Variants in SEMA3D observed in about 807,000 individuals in gnomAD.
SEMA3D encodes the protein semaphorin-3D.
A neutral mutation model predicts 100.1 loss-of-function variants in SEMA3D; 84 were observed. The ratio of observed to expected loss-of-function variants is 0.84; its 90% CI spans 0.70 to 1.01. The LOEUF (loss-of-function observed/expected upper bound fraction) is 1.01, where lower values mean the gene tolerates loss of function less well. Among genes scored for constraint, SEMA3D ranks in the 50% least tolerant of loss-of-function variants. The probability of loss-of-function intolerance (pLI) is 0.00; values close to 1 mark genes in which losing one functional copy is unlikely to be tolerated. For synonymous variants in SEMA3D, 312 were observed against 320.7 expected (o/e 0.97, Z 0.29); for missense variants, 875 against 934.1 (o/e 0.94, Z 0.82).
intron 4 of SEMA3D, among the ~76,000 whole-genome samples, chr7:85,092,585 G>T (rs982610607): frequency 6.6e-6 from 1 of 151,916 alleles, no homozygotes; most frequent in Non-Finnish European, 1.5e-5. Flanking sequence ...TATATTAAAT[G>T]ATGCTTAAGT....
At chr7:85,139,771 A>T (rs1789988063) in intron 2 of SEMA3D, among the ~76,000 whole-genome samples, 1 of 152,072 alleles carries the variant, frequency 6.6e-6, no homozygotes, top group Non-Finnish European at 1.5e-5. Flanking sequence ...AAAAATAACC[A>T]TTTTAAAACT....
chr7:85,219,771 A>G, the SEMA3D span, among the ~76,000 whole-genome samples: 1 of 152,082 alleles, frequency 6.6e-6, no homozygotes, highest in African/African-American at 2.4e-5. Flanking sequence ...AAAATTATAC[A>G]CGCAAAGTAT....
chr7:85,167,741 T>C (rs541030308), intron 1 of SEMA3D, among the ~76,000 whole-genome samples: 2 of 151,858 alleles, frequency 1.3e-5, no homozygotes, highest in South Asian at 2.1e-4. Flanking sequence ...CTGAAAGATA[T>C]AATGCAATAA....
intron 3 of SEMA3D, among the ~76,000 whole-genome samples, chr7:85,102,282 C>G (rs1451860402): frequency 1.3e-5 from 2 of 151,918 alleles, no homozygotes; most frequent in Non-Finnish European, 2.9e-5. Flanking sequence ...TGTACAGGAA[C>G]ACATGTTACT....
chr7:85,067,308 G>A (rs1791656089), intron 7 of SEMA3D, among the ~76,000 whole-genome samples: 1 of 151,876 alleles, frequency 6.6e-6, no homozygotes, highest in Non-Finnish European at 1.5e-5. Context: ...TTTATTAAGG[G>A]TATGCCAACT....
the SEMA3D span, among the ~76,000 whole-genome samples, chr7:85,212,795 ATTTTT>A: frequency 4.6e-5 from 7 of 151,872 alleles, no homozygotes; most frequent in African/African-American, 1.7e-4. Context: ...TTTACTCTTT[ATTTTT>A]AGGTATTTTA....
chr7:85,028,382 G>GAAAAA, intron 12 of SEMA3D: 1 of 141,058 alleles, frequency 7.1e-6, no homozygotes, highest in African/African-American at 9.9e-5. Context: ...TTACAGTTTA[G>GAAAAA]ACAAAAAAAA....
At chr7:85,029,045 A>G (rs775035589) in intron 12 of SEMA3D, 21 of 475,710 alleles carry the variant, frequency 4.4e-5, no homozygotes, top group Non-Finnish European at 8.5e-5. Context: ...AAAACTGCTG[A>G]TGGAGTCATG....
chr7:85,227,944 G>A, the SEMA3D span, among the ~76,000 whole-genome samples: 11 of 152,084 alleles, frequency 7.2e-5, no homozygotes, highest in African/African-American at 2.4e-4. Context: ...TATGACTCAA[G>A]TAATTTAGAA....
intron 17 of SEMA3D, 113 bp downstream of exon 17, chr7:85,012,669 A>C (rs905683871): frequency 1.3e-6 from 1 of 767,508 alleles, no homozygotes; most frequent in East Asian, 2.8e-5. Flanking sequence ...CATGCATTAC[A>C]CAAAATGGAG....
intron 3 of SEMA3D, among the ~76,000 whole-genome samples, chr7:85,104,416 A>G (rs1192331842): frequency 6.6e-6 from 1 of 152,114 alleles, no homozygotes; most frequent in South Asian, 2.1e-4. Flanking sequence ...CCTAATTGAT[A>G]GCCAGATGCT....
At chr7:85,079,577 G>A (rs1156329407) in intron 5 of SEMA3D, among the ~76,000 whole-genome samples, 2 of 152,140 alleles carry the variant, frequency 1.3e-5, no homozygotes, top group South Asian at 2.1e-4. Flanking sequence ...CTTAATAAGA[G>A]GGGCAATTAA....
intron 2 of SEMA3D, chr7:85,140,924 CTG>C (rs1187915631): frequency 1.7e-6 from 1 of 594,044 alleles, no homozygotes; most frequent in African/African-American, 2.0e-5. Context: ...GAGATGATCA[CTG>C]TTAAAATCTT....
intron 4 of SEMA3D, among the ~76,000 whole-genome samples, chr7:85,083,812 A>T (rs566186678): frequency 2.7e-4 from 36 of 133,162 alleles, no homozygotes; most frequent in African/African-American, 9.8e-4. Context: ...GCGCCACTGC[A>T]CTCCAGCCTG....
intron 17 of SEMA3D, among the ~76,000 whole-genome samples, chr7:85,007,458 G>A (rs150108136): frequency 6.6e-6 from 1 of 151,716 alleles, no homozygotes; most frequent in Non-Finnish European, 1.5e-5. Flanking sequence ...TGATGATGAT[G>A]ATGAGCCAGA....
intron 2 of SEMA3D, among the ~76,000 whole-genome samples, chr7:85,152,735 G>A (rs183320994): frequency 6.6e-6 from 1 of 152,180 alleles, no homozygotes; most frequent in African/African-American, 2.4e-5. Flanking sequence ...ATAAAAACAT[G>A]TATTAGGATT....
intron 11 of SEMA3D, 151 bp from the exon 12 acceptor site, chr7:85,037,184 A>G (rs1790723982): frequency 1.6e-6 from 1 of 622,814 alleles, no homozygotes; most frequent in Non-Finnish European, 2.7e-6. Flanking sequence ...TACGTCCTCA[A>G]GTGGCTTACA....
the SEMA3D span, among the ~76,000 whole-genome samples, chr7:85,204,347 T>TAAAAA: frequency 6.9e-6 from 1 of 144,160 alleles, no homozygotes; most frequent in Non-Finnish European, 1.5e-5. Flanking sequence ...CTAATACAGT[T>TAAAAA]AAAAAAAAAA....
chr7:85,216,545 C>CT, the SEMA3D span, among the ~76,000 whole-genome samples: 186 of 150,496 alleles, frequency 1.2e-3, no homozygotes, highest in African/African-American at 4.2e-3. Flanking sequence ...ATTAAACTGG[C>CT]TTTTTTTTTA....
Sources: gnomAD v4.1 joint callset for allele counts (sites outside exome capture counted in the v4.1 genomes callset) on GRCh38, gnomAD v4.1.1 for gene constraint, MANE v1.5 for transcripts, NCBI Gene and HGNC (gene_info 2026-07-23, HGNC 2026-07-21) for gene names.